Variants in SNX29 observed in about 807,000 individuals in gnomAD.
SNX29 encodes the protein sorting nexin 29, also known as sorting nexin-29.
A neutral mutation model predicts 102.1 loss-of-function variants in SNX29; 78 were observed. The ratio of observed to expected loss-of-function variants is 0.76; its 90% CI spans 0.64 to 0.92. The LOEUF is 0.92. Ranked by LOEUF, SNX29 falls within the 40% of genes least tolerant of loss-of-function variation. SNX29 has a pLI of 0.00. For missense variants in SNX29, 1,280 were observed against 1,061.7 expected, an observed-to-expected ratio of 1.21 and a Z score of -2.86; for synonymous variants, 580 against 414.5, an observed-to-expected ratio of 1.40 and a Z score of -4.85.
At chr16:11,992,774 C>G (rs1483509095) in intron 1 of SNX29, among the ~76,000 whole-genome samples, 1 of 152,198 alleles carries the variant, frequency 6.6e-6, no homozygotes, top group Non-Finnish European at 1.5e-5. Flanking sequence ...CTCGCTTGTA[C>G]CTGCTTAATG....
chr16:12,548,062 A>G (rs1463151941), intron 20 of SNX29, among the ~76,000 whole-genome samples: 5 of 152,106 alleles, frequency 3.3e-5, no homozygotes, highest in Admixed American at 1.3e-4. Flanking sequence ...TGGCACACAC[A>G]CGGTCAGGCA....
At chr16:12,512,402 AT>A (rs2089668745) in intron 19 of SNX29, among the ~76,000 whole-genome samples, 1 of 71,972 alleles carries the variant, frequency 1.4e-5, no homozygotes, top group Non-Finnish European at 2.7e-5. Context: ...ATATATATAT[AT>A]ATATATATAT....
chr16:12,150,313 G>A (rs1258309858), intron 13 of SNX29, among the ~76,000 whole-genome samples: 1 of 152,094 alleles, frequency 6.6e-6, no homozygotes, highest in Non-Finnish European at 1.5e-5. Flanking sequence ...AGAGAGACTG[G>A]GTAGATCAAC....
At chr16:12,390,089 C>A (rs935305746) in intron 16 of SNX29, among the ~76,000 whole-genome samples, 2 of 151,786 alleles carry the variant, frequency 1.3e-5, no homozygotes, top group African/African-American at 4.9e-5. Flanking sequence ...CCTTAAAAGT[C>A]TGTTGATATA....
chr16:12,352,992 A>G (rs1204866815), intron 15 of SNX29, among the ~76,000 whole-genome samples: 1 of 151,756 alleles, frequency 6.6e-6, no homozygotes, highest in African/African-American at 2.4e-5. Context: ...TAGGCGTTGG[A>G]TATGGCATGG....
At chr16:12,561,588 C>T (rs2078726583) in intron 20 of SNX29, among the ~76,000 whole-genome samples, 1 of 152,084 alleles carries the variant, frequency 6.6e-6, no homozygotes, top group Non-Finnish European at 1.5e-5. Context: ...ATGTCAGCCG[C>T]ATGCTGGTGA....
At chr16:12,037,956 AC>A (rs1403309160) in intron 4 of SNX29, among the ~76,000 whole-genome samples, 1 of 145,830 alleles carries the variant, frequency 6.9e-6, no homozygotes, top group East Asian at 1.9e-4. Context: ...CCTTGTCCCC[AC>A]CCCGCCCCTC....
chr16:12,492,118 A>G (rs974133560), intron 19 of SNX29, among the ~76,000 whole-genome samples: 4 of 152,202 alleles, frequency 2.6e-5, no homozygotes, highest in Non-Finnish European at 4.4e-5. Context: ...GACTTCCACA[A>G]TGGTTGAACT....
chr16:12,513,561 G>C (rs535137491), intron 19 of SNX29, among the ~76,000 whole-genome samples: 3 of 152,204 alleles, frequency 2.0e-5, no homozygotes, highest in African/African-American at 7.2e-5. Context: ...TGATCACCTA[G>C]AAAAAGGCCT....
chr16:12,304,296 TTTG>T (rs1169339722), intron 15 of SNX29, among the ~76,000 whole-genome samples: 2 of 152,174 alleles, frequency 1.3e-5, no homozygotes, highest in African/African-American at 4.8e-5. Flanking sequence ...TGTTGGCTTT[TTTG>T]TTGTTGTTGC....
At chr16:12,246,508 G>A (rs1238408158) in intron 14 of SNX29, among the ~76,000 whole-genome samples, 1 of 152,070 alleles carries the variant, frequency 6.6e-6, no homozygotes, top group Non-Finnish European at 1.5e-5. Flanking sequence ...GGGTGTAGTG[G>A]CACACTCCTG....
intron 2 of SNX29, chr16:12,000,310 A>G (rs1189838376): frequency 6.6e-6 from 1 of 152,480 alleles, no homozygotes; most frequent in Non-Finnish European, 1.5e-5. Context: ...CTGTGAGATT[A>G]TAGTTCCTAC....
chr16:12,160,234 C>A (rs940095948), intron 13 of SNX29, among the ~76,000 whole-genome samples: 1 of 152,200 alleles, frequency 6.6e-6, no homozygotes, highest in East Asian at 1.9e-4. Flanking sequence ...ACTCCACTTT[C>A]TGACTGTATT....
intron 14 of SNX29, among the ~76,000 whole-genome samples, chr16:12,219,626 C>T: frequency 6.6e-6 from 1 of 152,232 alleles, no homozygotes; most frequent in East Asian, 1.9e-4. Flanking sequence ...CCCTTTCTCT[C>T]TTCCTTATTG....
At chr16:12,309,327 T>C (rs1354271675) in intron 15 of SNX29, among the ~76,000 whole-genome samples, 1 of 152,174 alleles carries the variant, frequency 6.6e-6, no homozygotes, top group Non-Finnish European at 1.5e-5. Context: ...AGCCTCCCAA[T>C]GCAACAGTAG....
intron 1 of SNX29, among the ~76,000 whole-genome samples, chr16:11,982,295 T>C (rs560209868): frequency 6.6e-6 from 1 of 152,322 alleles, no homozygotes; most frequent in African/African-American, 2.4e-5. Flanking sequence ...ATGTAAGGAA[T>C]GCTGATTTTC....
At chr16:12,538,686 G>C (rs908028935) in intron 20 of SNX29, among the ~76,000 whole-genome samples, 1 of 152,134 alleles carries the variant, frequency 6.6e-6, no homozygotes, top group African/African-American at 2.4e-5. Flanking sequence ...CCTCCTCCCA[G>C]GACCAGTGGG....
At chr16:11,979,298 A>AAAAAAAAC (rs1166728666) in intron 1 of SNX29, among the ~76,000 whole-genome samples, 2 of 149,652 alleles carry the variant, frequency 1.3e-5, no homozygotes, top group African/African-American at 2.5e-5. Context: ...AAAAAAAAAA[A>AAAAAAAAC]ATCGTTACAT....
chr16:12,216,955 C>A (rs1185727359), intron 14 of SNX29, among the ~76,000 whole-genome samples: 1 of 152,142 alleles, frequency 6.6e-6, no homozygotes, highest in African/African-American at 2.4e-5. Context: ...CCTAGGTGGC[C>A]AAGCACCCAG....
Sources: gnomAD v4.1 joint callset for allele counts (sites outside exome capture counted in the v4.1 genomes callset) on GRCh38, gnomAD v4.1.1 for gene constraint, MANE v1.5 for transcripts, NCBI Gene and HGNC (gene_info 2026-07-23, HGNC 2026-07-21) for gene names.